TTF1: variants seen among roughly 807,000 people sequenced by gnomAD.
TTF1 encodes transcription termination factor 1, also known as transcription termination factor, RNA polymerase I.
A neutral mutation model predicts 80.2 loss-of-function variants in TTF1; 64 were observed. That is an observed-to-expected ratio of 0.80 (90% confidence interval 0.65 to 0.98). The LOEUF (loss-of-function observed/expected upper bound fraction) is 0.98, where lower values mean the gene tolerates loss of function less well. TTF1 is among the 50% of genes least tolerant of loss of function. The pLI, the probability that TTF1 is intolerant of heterozygous loss-of-function variation, is 0.00. For synonymous variants in TTF1, 372 were observed against 382.7 expected (o/e 0.97, Z 0.33); for missense variants, 1,023 against 1,086.2 (o/e 0.94, Z 0.82).
chr9:132,389,600 G>T (rs1260852200), intron 7 of TTF1, among the ~76,000 whole-genome samples: 1 of 152,152 alleles, frequency 6.6e-6, no homozygotes, highest in Non-Finnish European at 1.5e-5. Context: ...GTATGATCTA[G>T]GAGTTTGCTT....
intron 5 of TTF1, among the ~76,000 whole-genome samples, chr9:132,394,875 AGAGG>A (rs1335221022): frequency 6.7e-6 from 1 of 149,992 alleles, no homozygotes; most frequent in African/African-American, 2.5e-5. Flanking sequence ...TCTGGGTGAC[AGAGG>A]GAGACCCTGT....
chr9:132,387,266 T>C (rs1232735905), intron 8 of TTF1, among the ~76,000 whole-genome samples: 4 of 152,016 alleles, frequency 2.6e-5, no homozygotes, highest in African/African-American at 9.7e-5. Flanking sequence ...GACCTTAAAG[T>C]GCGCAAATTC....
At chr9:132,405,205 T>G (rs1287240594) in intron 1 of TTF1, among the ~76,000 whole-genome samples, 1 of 150,006 alleles carries the variant, frequency 6.7e-6, no homozygotes, top group Non-Finnish European at 1.5e-5. Flanking sequence ...CTTTTCTTTT[T>G]TTCTTTTTCT....
chr9:132,396,819 C>T (rs555715116), intron 4 of TTF1, among the ~76,000 whole-genome samples: 9 of 151,964 alleles, frequency 5.9e-5, no homozygotes, highest in Non-Finnish European at 8.8e-5. Flanking sequence ...AGGTGTCCAC[C>T]GCCACGCCCA....
chr9:132,401,697 A>G lies in TTF1; in HGVS notation c.1125T>C (p.Ala375=), dbSNP rs1266466174. ...SEVGTVEGST[A]LKGFKESNST... is the part of the protein sequence containing the mutation. ...TGTTGGATTCCTTGAACCCTTTAAGAGCTGTACTGCCTTCCACAGTCCCAA... is the reference window on the plus strand; with the variant it reads ...TGTTGGATTCCTTGAACCCTTTAAGGGCTGTACTGCCTTCCACAGTCCCAA... Residue 375 remains alanine, a synonymous_variant, in exon 2 of 11, where the codon GCT becomes GCC. Coordinates refer to ENST00000334270, the MANE Select transcript of TTF1 (RefSeq NM_007344.4). 6 of 1,614,084 alleles carry G rather than the reference A, an allele frequency of 3.7e-6. No homozygotes were observed. Among genetic ancestry groups the G allele is most frequent in the Non-Finnish European group, 5.1e-6 (6 of 1,180,052 alleles).
In TTF1 at chr9:132,390,691, A is replaced by G. The variant is rs374150357; in HGVS notation, c.2128T>C (p.Ser710Pro). The G allele has an allele frequency of 3.1e-6, 5 of 1,614,104 alleles. No homozygotes were observed. The highest frequency in any genetic ancestry group is 1.3e-5 in the African/African-American group (1 of 74,930). ...KLQENPESCL[S>P]IVREKLYKGI... Reference sequence around the variant, plus strand: ...TTGTAGAGTTTTTCCCGAACAATTGATAGGCAACTTTCAGGATTTTCTTGG... The same window carrying G: ...TTGTAGAGTTTTTCCCGAACAATTGGTAGGCAACTTTCAGGATTTTCTTGG... The change falls in exon 7 of 11, where the codon TCA becomes CCA. Residue 710 changes from serine to proline, a missense_variant. Ser to Pro is a moderately conservative substitution (Grantham distance 74, BLOSUM62 -1). Transcript: ENST00000334270.
chr9:132,378,660 C>CGTGTGTGAGTGCATGCATGTGGT (rs1268239406), intron 10 of TTF1, among the ~76,000 whole-genome samples: 4 of 93,890 alleles, frequency 4.3e-5, no homozygotes, highest in Non-Finnish European at 6.1e-5. Context: ...TGAGTGCATA[C>CGTGTGTGAGTGCATGCATGTGGT]GTGTGTGAGT....
intron 9 of TTF1, 82 bp downstream of exon 9, chr9:132,386,474 C>T: frequency 8.8e-7 from 1 of 1,130,832 alleles, no homozygotes; most frequent in East Asian, 2.5e-5. Flanking sequence ...CATTATCAGC[C>T]CTGTAAGATG....
chr9:132,401,157 T>C (rs1849754683), intron 2 of TTF1, among the ~76,000 whole-genome samples: 1 of 151,910 alleles, frequency 6.6e-6, no homozygotes, highest in African/African-American at 2.4e-5. Context: ...AGGACAAACG[T>C]CGTCTCTACT....
At chr9:132,398,364 T>C (rs1849696008) in intron 3 of TTF1, 38 bp from the exon 4 acceptor site, 1 of 1,458,666 alleles carries the variant, frequency 6.9e-7, no homozygotes, top group Non-Finnish European at 9.0e-7. Context: ...GTGTGTATTG[T>C]TAATAATGAC....
At chr9:132,388,041 G>T in intron 8 of TTF1, 98 bp downstream of exon 8, 2 of 868,894 alleles carry the variant, frequency 2.3e-6, no homozygotes, top group Non-Finnish European at 3.6e-6. Flanking sequence ...ACAGGGATTT[G>T]GACCTTGGCA....
chr9:132,380,074 T>C (rs1329744605), intron 9 of TTF1, among the ~76,000 whole-genome samples: 4 of 151,838 alleles, frequency 2.6e-5, no homozygotes, highest in Non-Finnish European at 5.9e-5. Context: ...TCGCATTATC[T>C]TCTTTTTTTT....
Position 132,375,966 on chromosome 9 carries a change from AGCCATGCATGGC to A in TTF1, c.2655_2666del (p.Pro886_Ala889del), listed in dbSNP as rs574795684. On this transcript the variant is annotated inframe_deletion, in exon 11 of 11. Coordinates refer to ENST00000334270, the MANE Select transcript of TTF1 (RefSeq NM_007344.4). The stretch of plus-strand genomic sequence containing the variant: ...CCAAAGTACTGGAATTACAGGCGTG[AGCCATGCATGGC>A]GCCTGGCCTTCGCTTTCTTTTTCTA... The A allele has an allele frequency of 8.1e-5, 130 of 1,611,918 alleles. No homozygotes were observed. The African/African-American group carries it at 1.6e-3, about 20-fold the overall frequency.
chr9:132,393,269 G>A (rs901937457), intron 5 of TTF1, among the ~76,000 whole-genome samples: 6 of 148,236 alleles, frequency 4.0e-5, no homozygotes, highest in Non-Finnish European at 7.5e-5. Flanking sequence ...TTGGGAGCAA[G>A]CCCCCCCCGC....
In TTF1 at chr9:132,375,779, T is replaced by A; in HGVS notation, c.*136A>T. On this transcript the variant is annotated 3_prime_UTR_variant, in exon 11 of 11. Coordinates refer to ENST00000334270, the MANE Select transcript of TTF1 (RefSeq NM_007344.4). ...CTCACTGCAACCTCCACCTCCTGGG[T>A]TCAAGCAATTCTCCTGCCTCAGCCT... is the stretch of plus-strand genomic sequence containing the variant. 2 of 604,936 alleles carry A rather than the reference T, an allele frequency of 3.3e-6. No individual in the cohort carries two copies. Among genetic ancestry groups the A allele is most frequent in the Non-Finnish European group, 5.8e-6 (2 of 345,104 alleles). The allele number at this position is 604,936 out of a possible 1,614,324, so 37.5% of individuals were successfully genotyped here.
At chr9:132,389,772 G>A (rs1849529005) in intron 7 of TTF1, among the ~76,000 whole-genome samples, 1 of 152,172 alleles carries the variant, frequency 6.6e-6, no homozygotes, top group Non-Finnish European at 1.5e-5. Context: ...TCCAGGTCTT[G>A]GAAAAGCTAT....
rs144826682 is a variant in TTF1, at chr9:132,378,650, TGA to T, written c.2464+407_2464+408del. 2.4e-4 allele frequency among the ~76,000 whole-genome samples: 31 copies of T among 127,154 alleles called. 1 individual carries two copies. Among genetic ancestry groups the T allele is most frequent in the African/African-American group, 8.9e-4 (28 of 31,432 alleles). The allele number at this position is 127,154 out of a possible 152,430, so 83.4% of individuals were successfully genotyped here. On this transcript the variant is annotated intron_variant, in intron 10 of 10. Coordinates refer to ENST00000334270, the MANE Select transcript of TTF1 (RefSeq NM_007344.4). ...GTGGTTGGTGTGAGTGCATGTGGTG[TGA>T]GTGCATACGTGTGTGAGTGCATGCA...
At position 132,396,819 on chromosome 9, in the gene TTF1, C is replaced by A. The variant is rs555715116; in HGVS notation, c.1778-308G>T. Among the ~76,000 whole-genome samples, 7 of 152,082 alleles carry A rather than the reference C, an allele frequency of 4.6e-5. No individual in the cohort carries two copies. The East Asian group carries it at 1.4e-3, about 29-fold the overall frequency. On this transcript the variant is annotated intron_variant, in intron 4 of 10. Coordinates refer to ENST00000334270, the MANE Select transcript of TTF1 (RefSeq NM_007344.4). Reference sequence around the variant, plus strand: ...AGTAGCTGGGATTACAGGTGTCCACCGCCACGCCCAGCTGGTTTTTATATT... The same window carrying A: ...AGTAGCTGGGATTACAGGTGTCCACAGCCACGCCCAGCTGGTTTTTATATT...
At chr9:132,403,101 C>T (rs1397302424) in intron 1 of TTF1, among the ~76,000 whole-genome samples, 4 of 152,112 alleles carry the variant, frequency 2.6e-5, no homozygotes, top group Non-Finnish European at 4.4e-5. Context: ...CCTCATGATC[C>T]GCCCACTCCA....
Sources: allele counts gnomAD v4.1 joint callset (sites outside exome capture counted in the v4.1 genomes callset), GRCh38; gene constraint gnomAD v4.1.1; transcripts MANE v1.5; gene names NCBI Gene and HGNC (gene_info 2026-07-23, HGNC 2026-07-21).